Variants in H2BC18 observed in about 807,000 individuals in gnomAD.
The protein encoded by H2BC18 is H2B clustered histone 18, also known as histone H2B type 2-F.
In H2BC18, 8 loss-of-function variants were observed where a neutral mutation model predicts 6.3. The observed-to-expected ratio is 1.28, with a 90% CI of 0.75 to 2.31. H2BC18 has a LOEUF of 2.31. H2BC18 is among the 30% of genes most tolerant of loss of function. The pLI, the probability that H2BC18 is intolerant of heterozygous loss-of-function variation, is 0.00. For missense variants in H2BC18, 106 were observed against 174.5 expected (o/e 0.61, Z 2.21); for synonymous variants, 104 against 78.1 (o/e 1.33, Z -1.75).
chr1:149,786,660 T>C (rs1158127170), intron 1 of H2BC18: 1 of 152,018 alleles, frequency 6.6e-6, no homozygotes, highest in African/African-American at 2.4e-5. Context: ...GGAATGATTG[T>C]TGAGTAGGAA....
chr1:149,799,553 T>C (rs1444209840), intron 1 of H2BC18, among the ~76,000 whole-genome samples: 3 of 152,172 alleles, frequency 2.0e-5, no homozygotes, highest in African/African-American at 7.2e-5. Context: ...ACACTACACA[T>C]TGGCAAATCT....
rs781930924 is a variant in H2BC18 at position 149,812,268 on chromosome 1, A to G, written c.56T>C (p.Val19Ala). The change falls in exon 1 of 1, where the codon GTT (valine) becomes GCT (alanine). Residue 19 changes from valine (V) to alanine (A), a missense_variant. Physicochemically the swap from Val to Ala is moderately conservative, Grantham distance 64. Around this residue, in one of 3 missense-constraint regions of H2BC18, gnomAD observed 70 missense variants for 64.6 expected, o/e 1.08. Coordinates refer to ENST00000369167, the MANE Select transcript of H2BC18 (RefSeq NM_001024599.5). ...GCCGTCCTTCTTCTGCACTTTCGTAACAGCCTTTTTGGAGCCCTTCTTGGG... is the reference window on the plus strand; with the variant it reads ...GCCGTCCTTCTTCTGCACTTTCGTAGCAGCCTTTTTGGAGCCCTTCTTGGG... Reference protein sequence around the residue: ...PAPKKGSKKAVTKVQKKDGKK... With the variant: ...PAPKKGSKKAATKVQKKDGKK... 1.3e-4 allele frequency: 208 copies of G among 1,614,198 alleles called. 1 individual carries two copies. The South Asian group carries it at 2.2e-3, about 17-fold the overall frequency.
rs781945113 is a variant in H2BC18 at position 149,791,540 on chromosome 1, C to T, written c.378-8280G>A. 2.7e-5 allele frequency: 43 copies of T among 1,610,064 alleles called. No individual in the cohort carries two copies. In the African/African-American group the frequency reaches 4.4e-4, roughly 17 times the overall value. ...TAGCAGCGGCTCAGTGGGTGGCCAT[C>T]GATCTGGACCGTCCCCTGCCCACTT... On this transcript the variant is annotated intron_variant, in intron 1 of 1. Coordinates refer to the H2BC18 transcript ENST00000545683.
At chr1:149,784,613 G>GC (rs1284089365) in intron 1 of H2BC18, among the ~76,000 whole-genome samples, 2 of 150,852 alleles carry the variant, frequency 1.3e-5, no homozygotes, top group African/African-American at 4.9e-5. Flanking sequence ...ACCTAGATCT[G>GC]CAGTCACCTT....
chr1:149,808,493 T>C, downstream of H2BC18, among the ~76,000 whole-genome samples: 1 of 152,202 alleles, frequency 6.6e-6, no homozygotes, highest in East Asian at 1.9e-4. Flanking sequence ...TTTAGATTCA[T>C]TTACATCTTT....
At chr1:149,799,332 T>C (rs587701569) in intron 1 of H2BC18, among the ~76,000 whole-genome samples, 1 of 152,300 alleles carries the variant, frequency 6.6e-6, no homozygotes, top group Admixed American at 6.5e-5. Flanking sequence ...TTCATAAGCA[T>C]TTTCCCTGAA....
At chr1:149,803,279 G>T (rs1227776690) in intron 1 of H2BC18, among the ~76,000 whole-genome samples, 1 of 152,028 alleles carries the variant, frequency 6.6e-6, no homozygotes, top group East Asian at 1.9e-4. Context: ...TGCAAAGGTG[G>T]GTGTGGGGAA....
At chr1:149,793,161 A>G in intron 1 of H2BC18, 1 of 1,279,586 alleles carries the variant, frequency 7.8e-7, no homozygotes, top group South Asian at 1.2e-5. Flanking sequence ...GGATTGGTAG[A>G]TCACAGGAAA....
intron 1 of H2BC18, among the ~76,000 whole-genome samples, chr1:149,785,178 T>C (rs1315074370): frequency 1.5e-4 from 23 of 152,184 alleles, no homozygotes; most frequent in African/African-American, 5.1e-4. Flanking sequence ...TATTTAGTTA[T>C]TCAGAAGTGA....
chr1:149,810,378 T>C (rs1553754275), downstream of H2BC18: 1 of 151,436 alleles, frequency 6.6e-6, no homozygotes, highest in Non-Finnish European at 1.5e-5. Context: ...GGAATCTTTA[T>C]TTTCTAGTGG....
intron 1 of H2BC18, among the ~76,000 whole-genome samples, chr1:149,784,732 A>G (rs1167014862): frequency 6.7e-6 from 1 of 149,340 alleles, no homozygotes; most frequent in Non-Finnish European, 1.5e-5. Context: ...ACACATATAT[A>G]TAGTTTTAAA....
chr1:149,801,199 T>C (rs1299551313), intron 1 of H2BC18, among the ~76,000 whole-genome samples: 20 of 152,078 alleles, frequency 1.3e-4, no homozygotes, highest in African/African-American at 4.3e-4. Flanking sequence ...TTTTGTCTCC[T>C]GGTTCCAAAA....
At chr1:149,795,669 A>G (rs1271942222) in intron 1 of H2BC18, among the ~76,000 whole-genome samples, 1 of 132,348 alleles carries the variant, frequency 7.6e-6, no homozygotes, top group African/African-American at 3.0e-5. Flanking sequence ...CAAGGTCACC[A>G]GCTATGCAAG....
chr1:149,785,194 T>C (rs1449135510), intron 1 of H2BC18, among the ~76,000 whole-genome samples: 2 of 152,248 alleles, frequency 1.3e-5, no homozygotes, highest in Middle Eastern at 3.4e-3. Context: ...AGTGATGAGT[T>C]TAAACTTCGT....
At chr1:149,805,574 G>T (rs2101485496) in intron 1 of H2BC18, 1 of 152,236 alleles carries the variant, frequency 6.6e-6, no homozygotes, top group Admixed American at 6.5e-5. Flanking sequence ...GAGGGCAAAA[G>T]ATTTCAAACT....
At chr1:149,788,460 T>A (rs782560110) in intron 1 of H2BC18, 3 of 1,613,680 alleles carry the variant, frequency 1.9e-6, no homozygotes, top group Non-Finnish European at 2.5e-6. Flanking sequence ...TGGTGTACAA[T>A]GTGCTTTACT....
At chr1:149,803,955 G>A (rs1439739480) in intron 1 of H2BC18, 6 of 152,228 alleles carry the variant, frequency 3.9e-5, no homozygotes, top group Non-Finnish European at 5.9e-5. Flanking sequence ...ACTTCAGCTA[G>A]AAAATGCTGG....
At chr1:149,793,692 C>A (rs1307004542) in intron 1 of H2BC18, among the ~76,000 whole-genome samples, 1 of 151,606 alleles carries the variant, frequency 6.6e-6, no homozygotes, top group Non-Finnish European at 1.5e-5. Flanking sequence ...GGAGCAGAAC[C>A]GGCATTAGGT....
chr1:149,798,874 A>C (rs1263518136), intron 1 of H2BC18, among the ~76,000 whole-genome samples: 1 of 151,878 alleles, frequency 6.6e-6, no homozygotes, highest in Non-Finnish European at 1.5e-5. Context: ...CAGCTTCCCA[A>C]AGTGCCAGGA....
Sources: gnomAD v4.1 joint callset for allele counts (sites outside exome capture counted in the v4.1 genomes callset) on GRCh38, gnomAD v4.1.1 for gene constraint, gnomAD v4.1.1 regional missense constraint, MANE v1.5 for transcripts, NCBI Gene and HGNC (gene_info 2026-07-23, HGNC 2026-07-21) for gene names.